The following THSD7B variants were observed in gnomAD, a reference collection of about 807,000 sequenced individuals.
THSD7B encodes the protein thrombospondin type-1 domain-containing protein 7B.
Under a neutral mutation model 213.6 loss-of-function variants are expected in THSD7B, and 138 were observed. The observed-to-expected ratio is 0.65, with a 90% confidence interval of 0.56 to 0.74. THSD7B has a LOEUF of 0.74. THSD7B is among the 30% of genes least tolerant of loss of function. The pLI, the probability that THSD7B is intolerant of heterozygous loss-of-function variation, is 0.00. For missense variants in THSD7B, 1,931 were observed against 1,991.5 expected, an observed-to-expected ratio of 0.97 and a Z score of 0.58; for synonymous variants, 742 against 687.0, an observed-to-expected ratio of 1.08 and a Z score of -1.25.
At chr2:137,405,992 G>A (rs1423534662) in intron 13 of THSD7B, among the ~76,000 whole-genome samples, 185 bp downstream of exon 13, 11 of 152,148 alleles carry the variant, frequency 7.2e-5, no homozygotes, top group South Asian at 2.1e-4. Context: ...TAATGTTTCC[G>A]AAATGAATGA....
intron 20 of THSD7B, among the ~76,000 whole-genome samples, chr2:137,638,799 G>A (rs1167828681): frequency 6.6e-6 from 1 of 152,182 alleles, no homozygotes; most frequent in African/African-American, 2.4e-5. Flanking sequence ...TTAGCAAAGA[G>A]ACTGGTGGCA....
intron 2 of THSD7B, among the ~76,000 whole-genome samples, chr2:136,957,416 A>G (rs2105080237): frequency 6.8e-6 from 1 of 146,950 alleles, no homozygotes; most frequent in South Asian, 2.2e-4. Context: ...TAGCCTTTTC[A>G]GTTGCATGGG....
At position 137,008,459 on chromosome 2, in the gene THSD7B, A is replaced by T. The variant is rs1295598784; in HGVS notation, c.140-47961A>T. On this transcript the variant is annotated intron_variant, in intron 2 of 27. Coordinates refer to ENST00000409968, the MANE Select transcript of THSD7B (RefSeq NM_001316349.2). ...TGTCATCCAGTAAAATGTCTTAATT[A>T]CCTGTTAGGAAAATTGAATTTATGA... Among the ~76,000 whole-genome samples, 4 of 152,212 alleles carry T rather than the reference A, an allele frequency of 2.6e-5. No individual in the cohort carries two copies. In the East Asian group the frequency reaches 7.7e-4, roughly 29 times the overall value.
intron 12 of THSD7B, among the ~76,000 whole-genome samples, chr2:137,356,267 C>T (rs1212175906): frequency 6.6e-6 from 1 of 152,184 alleles, no homozygotes; most frequent in Admixed American, 6.5e-5. Flanking sequence ...GGGCTACTTT[C>T]ATGATCCACC....
rs75866449 is a variant in THSD7B at position 137,551,124 on chromosome 2, T to C, written c.3139-12097T>C. Among the ~76,000 whole-genome samples, 1,093 of 151,430 alleles carry C rather than the reference T, an allele frequency of 7.2e-3. 13 individuals carry two copies. The highest frequency in any genetic ancestry group is 0.025 in the African/African-American group (1,046 of 41,296). ...AGAGTTCAGAACTTCTCAGAAAAAATTATTCTTCAAAAAATTATCCTTCTG... is the reference window on the plus strand; with the variant it reads ...AGAGTTCAGAACTTCTCAGAAAAAACTATTCTTCAAAAAATTATCCTTCTG... On this transcript the variant is annotated intron_variant, in intron 15 of 27. Coordinates refer to ENST00000409968, the MANE Select transcript of THSD7B (RefSeq NM_001316349.2).
rs770092983 is a variant in THSD7B, at chr2:136,934,348, T to C, written c.139+52031T>C. Among the ~76,000 whole-genome samples, 40 of 152,306 alleles carry C rather than the reference T, an allele frequency of 2.6e-4. 1 individual carries two copies. In the Middle Eastern group the frequency reaches 0.014, roughly 52 times the overall value. ...TTTTTGGCTGAAAACATGTTAGCTA[T>C]AAAAAGTCATGAAATGAGAAACATA... is the stretch of plus-strand genomic sequence containing the variant. On this transcript the variant is annotated intron_variant, in intron 2 of 27. Coordinates refer to ENST00000409968, the MANE Select transcript of THSD7B (RefSeq NM_001316349.2).
rs1226313069 is a variant in THSD7B at position 137,549,334 on chromosome 2, T to C, written c.3139-13887T>C. On this transcript the variant is annotated intron_variant, in intron 15 of 27. Coordinates refer to ENST00000409968, the MANE Select transcript of THSD7B (RefSeq NM_001316349.2). ...TCTTTTTTTTTTTTTTTTTTTTTTT[T>C]TGCAACAGAGATAGAAAGTTTTCCG... Among the ~76,000 whole-genome samples the C allele has an allele frequency of 2.8e-5, 3 of 108,896 alleles. No individual in the cohort carries two copies. In the Admixed American group the frequency reaches 3.0e-4, roughly 11 times the overall value. 71.4% of individuals were successfully genotyped at this position (108,896 alleles called of 152,430 possible). A position where few individuals can be genotyped will look rare whatever the true frequency, so the allele number is the denominator to read the frequency against.
rs572210254 is a variant in THSD7B, at chr2:137,056,449, G to A, written c.169G>A (p.Gly57Ser). 1 of 1,613,826 alleles carries A rather than the reference G, an allele frequency of 6.2e-7. No homozygotes were observed. The highest frequency in any genetic ancestry group is 1.1e-5 in the South Asian group (1 of 91,044). The change falls in exon 3 of 28, where the codon GGT becomes AGT. Residue 57 changes from glycine to serine, a missense_variant. By Grantham distance (56) the Gly-to-Ser change is moderately conservative. Transcript: ENST00000409968. The stretch of plus-strand genomic sequence containing the variant: ...GTGGGGAAGGTGTACAGGAGACTGT[G>A]GTCCCGGAGGAGTCCAGAGTCGGGC... ...GPWGRCTGDCGPGGVQSRAVW... is the reference protein window; with the variant it reads ...GPWGRCTGDCSPGGVQSRAVW...
intron 2 of THSD7B, among the ~76,000 whole-genome samples, chr2:136,920,434 G>A (rs1347838417): frequency 6.6e-6 from 1 of 152,164 alleles, no homozygotes; most frequent in Non-Finnish European, 1.5e-5. Flanking sequence ...CTGTAGGCAG[G>A]TCATCTCAAT....
At chr2:137,339,778 C>T (rs899262665) in intron 12 of THSD7B, among the ~76,000 whole-genome samples, 13 of 151,504 alleles carry the variant, frequency 8.6e-5, no homozygotes, top group African/African-American at 3.1e-4. Flanking sequence ...ATGTCTTTCC[C>T]ATTTCTGCCT....
At position 136,858,770 on chromosome 2, in the gene THSD7B, A is replaced by C. The variant is rs539250446; in HGVS notation, c.-35-23374A>C. Among the ~76,000 whole-genome samples, 8 of 152,166 alleles carry C rather than the reference A, an allele frequency of 5.3e-5. No individual in the cohort carries two copies. The South Asian group carries it at 1.7e-3, about 32-fold the overall frequency. On this transcript the variant is annotated intron_variant, in intron 1 of 27. Coordinates refer to ENST00000409968, the MANE Select transcript of THSD7B (RefSeq NM_001316349.2). Reference sequence around the variant, plus strand: ...TCCCATTATCTGAATTGCTTTTACCACCCAGTGTGAAAATGGAAAAAAACT... The same window carrying C: ...TCCCATTATCTGAATTGCTTTTACCCCCCAGTGTGAAAATGGAAAAAAACT...
chr2:137,465,956 T>G (rs565111677), intron 15 of THSD7B, among the ~76,000 whole-genome samples: 1 of 152,110 alleles, frequency 6.6e-6, no homozygotes, highest in African/African-American at 2.4e-5. Flanking sequence ...AAATAAAATA[T>G]AAGGTATTTC....
chr2:137,445,564 G>T (rs1274975673), intron 14 of THSD7B, among the ~76,000 whole-genome samples: 2 of 151,800 alleles, frequency 1.3e-5, no homozygotes, highest in African/African-American at 4.8e-5. Context: ...AAAACAATAT[G>T]GATCTCATGG....
At chr2:136,791,928 T>C (rs1199310554) in intron 1 of THSD7B, among the ~76,000 whole-genome samples, 1 of 152,052 alleles carries the variant, frequency 6.6e-6, no homozygotes, top group African/African-American at 2.4e-5. Context: ...ATATAGTGAC[T>C]CTATGTTTAA....
At chr2:136,786,880 A>G (rs1347996357) in intron 1 of THSD7B, among the ~76,000 whole-genome samples, 2 of 152,188 alleles carry the variant, frequency 1.3e-5, no homozygotes, top group African/African-American at 4.8e-5. Flanking sequence ...TTGAATCAAA[A>G]GGAATGTTTA....
intron 7 of THSD7B, among the ~76,000 whole-genome samples, chr2:137,181,962 A>AT (rs1243722724): frequency 6.6e-6 from 1 of 152,210 alleles, no homozygotes; most frequent in African/African-American, 2.4e-5. Flanking sequence ...GATTAAGGAA[A>AT]TTAGCAGTAT....
At chr2:137,254,096 T>A (rs143901946) in intron 10 of THSD7B, among the ~76,000 whole-genome samples, 2 of 152,302 alleles carry the variant, frequency 1.3e-5, no homozygotes, top group Admixed American at 1.3e-4. Flanking sequence ...AACTTTTAAG[T>A]GTCCCCTAGT....
At chr2:137,193,033 CACTA>C (rs2105016385) in intron 7 of THSD7B, among the ~76,000 whole-genome samples, 1 of 152,014 alleles carries the variant, frequency 6.6e-6, no homozygotes, top group South Asian at 2.1e-4. Flanking sequence ...AGAGGGTGTG[CACTA>C]ACTGTGGAAA....
chr2:137,549,164 T>C (rs1429062312), intron 15 of THSD7B, among the ~76,000 whole-genome samples: 1 of 152,044 alleles, frequency 6.6e-6, no homozygotes, highest in Non-Finnish European at 1.5e-5. Context: ...ACTGCATACC[T>C]TTCTGATTCA....
Sources: allele counts gnomAD v4.1 joint callset (sites outside exome capture counted in the v4.1 genomes callset), GRCh38; gene constraint gnomAD v4.1.1; transcripts MANE v1.5; gene names NCBI Gene and HGNC (gene_info 2026-07-23, HGNC 2026-07-21).